FER1L6: variants seen among roughly 807,000 people sequenced by gnomAD.
FER1L6 encodes the protein fer-1 like family member 6.
Under a neutral mutation model 219.2 loss-of-function variants are expected in FER1L6, and 177 were observed. The ratio of observed to expected loss-of-function variants is 0.81; its 90% CI spans 0.71 to 0.91. FER1L6 has a LOEUF of 0.91. FER1L6 is among the 40% of genes least tolerant of loss of function. The probability of loss-of-function intolerance (pLI) is 0.00; values close to 1 mark genes in which losing one functional copy is unlikely to be tolerated. For synonymous variants in FER1L6, 768 were observed against 824.3 expected, an observed-to-expected ratio of 0.93 and a Z score of 1.17; for missense variants, 2,153 against 2,259.9, an observed-to-expected ratio of 0.95 and a Z score of 0.96.
chr8:123,973,358 G>T, intron 6 of FER1L6, 76 bp from the exon 7 acceptor site: 1 of 1,223,138 alleles, frequency 8.2e-7, no homozygotes, highest in East Asian at 2.3e-5. Context: ...TCCAGACAGG[G>T]TCAAAGCTAG....
chr8:124,012,016 G>A (rs947761210), intron 14 of FER1L6, among the ~76,000 whole-genome samples: 1 of 152,072 alleles, frequency 6.6e-6, no homozygotes, highest in South Asian at 2.1e-4. Context: ...GCCCAAGGAG[G>A]GAGAGAAAGC....
rs766394127 is a variant in FER1L6 at position 123,973,447 on chromosome 8, A to G, written c.461A>G (p.Lys154Arg). ...CTCTCTCCTCAGGTCTTTCACCACA[A>G]GCTGATAGGAAGTGTACTGATTGGC... ...KIIKISVFHH[K>R]LIGSVLIGSF... The change falls in exon 7 of 41, where the codon AAG becomes AGG. Residue 154 changes from lysine (K) to arginine (R), a missense_variant. Transcript: ENST00000522917. 1 of 1,613,954 alleles carries G rather than the reference A, an allele frequency of 6.2e-7. No individual in the cohort carries two copies. Among genetic ancestry groups the G allele is most frequent in the Admixed American group, 1.7e-5 (1 of 60,016 alleles).
chr8:123,956,081 C>T lies in FER1L6; in HGVS notation c.76+7C>T. The T allele has an allele frequency of 1.9e-6, 3 of 1,608,012 alleles. No homozygotes were observed. Among genetic ancestry groups the T allele is most frequent in the South Asian group, 1.1e-5 (1 of 89,548 alleles). On this transcript the variant is annotated splice_region_variant and intron_variant, in intron 2 of 40. Transcript: ENST00000522917. Reference sequence around the variant, plus strand: ...GCCAACAAGGCTGCGAAAGGTGAGGCTGGGGGTGGGGTGCTGACCATTGGG... The same window carrying T: ...GCCAACAAGGCTGCGAAAGGTGAGGTTGGGGGTGGGGTGCTGACCATTGGG...
intron 27 of FER1L6, 78 bp downstream of exon 27, chr8:124,066,628 T>A (rs1820842143): frequency 2.0e-6 from 3 of 1,514,146 alleles, no homozygotes; most frequent in East Asian, 2.3e-5. Flanking sequence ...AAGTCCTACA[T>A]AACCTCCTTT....
intron 30 of FER1L6, 68 bp from the exon 31 acceptor site, chr8:124,071,438 T>G: frequency 6.3e-7 from 1 of 1,591,842 alleles, no homozygotes; most frequent in Non-Finnish European, 8.6e-7. Context: ...CCCAGCACAG[T>G]GCTCTCTGTG....
intron 37 of FER1L6, among the ~76,000 whole-genome samples, chr8:124,100,509 T>A (rs1054001308): frequency 5.3e-5 from 8 of 152,078 alleles, no homozygotes; most frequent in African/African-American, 1.9e-4. Flanking sequence ...ACAGTCAGAG[T>A]TGGAATCCAG....
chr8:123,905,966 C>A (rs1812945812), intron 1 of FER1L6, among the ~76,000 whole-genome samples: 1 of 152,094 alleles, frequency 6.6e-6, no homozygotes, highest in Non-Finnish European at 1.5e-5. Context: ...AGAACAGGAT[C>A]AGAAATCAGA....
At chr8:123,966,314 G>T (rs1283364439) in intron 5 of FER1L6, 24 bp downstream of exon 5, 2 of 1,613,164 alleles carry the variant, frequency 1.2e-6, no homozygotes, top group African/African-American at 2.7e-5. Flanking sequence ...GTCACCCACA[G>T]CTTTTGCACT....
At position 124,117,080 on chromosome 8, in the gene FER1L6, C is replaced by T. The variant is rs1299221974; in HGVS notation, c.5290-1764C>T. On this transcript the variant is annotated intron_variant, in intron 39 of 40. Coordinates refer to ENST00000522917, the MANE Select transcript of FER1L6 (RefSeq NM_001039112.2). ...CTTAAAAACCTTCTAGTCCAATTTT[C>T]TGGCAATTAGATGAATAAGTTGGGA... 5.3e-5 allele frequency among the ~76,000 whole-genome samples: 8 copies of T among 152,310 alleles called. No individual in the cohort carries two copies. The East Asian group carries it at 1.5e-3, about 29-fold the overall frequency.
chr8:123,964,668 G>C (rs890174449), intron 3 of FER1L6, among the ~76,000 whole-genome samples: 2 of 152,252 alleles, frequency 1.3e-5, no homozygotes, highest in African/African-American at 4.8e-5. Context: ...TTGAGTGGAG[G>C]AAGGCAGGAG....
chr8:123,911,327 G>A (rs187927461), intron 1 of FER1L6, among the ~76,000 whole-genome samples: 114 of 152,200 alleles, frequency 7.5e-4, no homozygotes, highest in Non-Finnish European at 1.5e-3. Flanking sequence ...TTAAAAGAAA[G>A]GTCATAGTAT....
rs997568705 is a variant in FER1L6 at position 124,111,464 on chromosome 8, G to C, written c.5290-7380G>C. Among the ~76,000 whole-genome samples the C allele has an allele frequency of 1.3e-5, 2 of 152,142 alleles. No individual in the cohort carries two copies. Among genetic ancestry groups the C allele is most frequent in the Non-Finnish European group, 2.9e-5 (2 of 68,018 alleles). ...GCCCAGACCCCAAGAGAGGGCTCTT[G>C]CATCTTGGGCAAGAAGGAATTCAGG... On this transcript the variant is annotated intron_variant, in intron 39 of 40. Transcript: ENST00000522917. This position sits in a 1 kb window ranked among gnomAD's most constrained non-coding sequence, Gnocchi z 5.0.
chr8:123,896,029 T>C (rs1205184780), intron 1 of FER1L6, among the ~76,000 whole-genome samples: 1 of 152,072 alleles, frequency 6.6e-6, no homozygotes, highest in Non-Finnish European at 1.5e-5. Context: ...AGAGTCAGGG[T>C]CCTTGGGGTC....
At chr8:123,987,887 G>A (rs1001499121) in intron 12 of FER1L6, among the ~76,000 whole-genome samples, 7 of 152,126 alleles carry the variant, frequency 4.6e-5, no homozygotes, top group Admixed American at 1.3e-4. Context: ...TGAGGCAGGC[G>A]GATCACGAGG....
chr8:123,862,701 G>C (rs377160990), intron 1 of FER1L6, among the ~76,000 whole-genome samples: 1 of 138,234 alleles, frequency 7.2e-6, no homozygotes, highest in Non-Finnish European at 1.5e-5. Flanking sequence ...TCCTGGTTTA[G>C]TCTTGGGAGA....
At position 124,029,824 on chromosome 8, in the gene FER1L6, C is replaced by T. The variant is rs1186938787; in HGVS notation, c.2287-5453C>T. Among the ~76,000 whole-genome samples, 4 of 152,184 alleles carry T rather than the reference C, an allele frequency of 2.6e-5. 1 individual carries two copies. Among genetic ancestry groups the T allele is most frequent in the African/African-American group, 9.7e-5 (4 of 41,438 alleles). On this transcript the variant is annotated intron_variant, in intron 18 of 40. Transcript: ENST00000522917. ...TTGCAGTTGCTTTTTGCATTTTCAT[C>T]ATAAAATATTTGCTCATGCCTATGT... is the stretch of plus-strand genomic sequence containing the variant.
In FER1L6 at chr8:123,852,604, A is replaced by G. The variant is rs1375014701; in HGVS notation, c.-8+419A>G. The stretch of plus-strand genomic sequence containing the variant: ...AAAGCATGAGGAAGTTGCCTCAGGA[A>G]CTCATAGAAAATGTGGGGCCTCTCA... On this transcript the variant is annotated intron_variant, in intron 1 of 40. Transcript: ENST00000522917. The surrounding 1 kb of genome is among the most constrained non-coding windows in gnomAD (Gnocchi z 4.9). 6.6e-6 allele frequency among the ~76,000 whole-genome samples: 1 copy of G among 151,992 alleles called. No homozygotes were observed. Among genetic ancestry groups the G allele is most frequent in the African/African-American group, 2.4e-5 (1 of 41,386 alleles).
In FER1L6 at chr8:124,118,919, GA is replaced by G. The variant is rs1173820027; in HGVS notation, c.5366del (p.Glu1789GlyfsTer19). 1.2e-6 allele frequency: 2 copies of G among 1,613,768 alleles called. No homozygotes were observed. Reference protein sequence around the residue: ...EKNPVGKARKEPEPLAKPNRP... With the variant: ...EKNPVGKARKXPEPLAKPNRP... ...AAATCCTGTTGGAAAAGCCCGAAAG[GA>G]GCCAGAGCCCCTGGCCAAGCCCAAG... On this transcript the variant is annotated frameshift_variant, in exon 40 of 41. Transcript: ENST00000522917. LOFTEE classifies it high-confidence loss of function.
intron 1 of FER1L6, among the ~76,000 whole-genome samples, chr8:123,882,181 AT>A (rs11338300): frequency 0.15 from 22,209 of 147,350 alleles, 1,690 homozygotes; most frequent in Middle Eastern, 0.21. Context: ...ACAAAACCAC[AT>A]TTTTTTTTTT....
Sources: gnomAD v4.1 joint callset for allele counts (sites outside exome capture counted in the v4.1 genomes callset) on GRCh38, gnomAD v4.1.1 for gene constraint, Gnocchi (gnomAD v3.1) non-coding constraint, MANE v1.5 for transcripts, NCBI Gene and HGNC (gene_info 2026-07-23, HGNC 2026-07-21) for gene names.